Variants in LARP4B observed in about 807,000 individuals in gnomAD.
LARP4B encodes la-related protein 4B.
A neutral mutation model predicts 89.8 loss-of-function variants in LARP4B; 12 were observed. That is an observed-to-expected ratio of 0.13 (90% CI 0.09 to 0.22). The LOEUF (loss-of-function observed/expected upper bound fraction) is 0.22, where lower values mean the gene tolerates loss of function less well. Ranked by LOEUF, LARP4B falls within the 10% of genes least tolerant of loss-of-function variation. The pLI is 1.00. For synonymous variants in LARP4B, 367 were observed against 363.3 expected (o/e 1.01, Z -0.12); for missense variants, 757 against 947.7 (o/e 0.80, Z 2.64).
chr10:864,421 AT>A, intron 3 of LARP4B, 151 bp from the exon 4 acceptor site: 5 of 665,152 alleles, frequency 7.5e-6, no homozygotes, highest in African/African-American at 3.7e-5. Flanking sequence ...CAGGTTCAAA[AT>A]TAAAAAAAAA....
chr10:836,845 G>A (rs1463541315), intron 7 of LARP4B, among the ~76,000 whole-genome samples: 1 of 152,128 alleles, frequency 6.6e-6, no homozygotes, highest in African/African-American at 2.4e-5. Flanking sequence ...CCCTTCCCTG[G>A]CTCCCTGATG....
Position 891,538 on chromosome 10 carries a change from C to T in LARP4B, c.-39-5778G>A, listed in dbSNP as rs143988338. ...AAATAATACAATGTGTGAAATCTTC[C>T]TCAAAGTACTATGTGGGGCAGAGAC... On this transcript the variant is annotated intron_variant, in intron 1 of 17. Transcript: ENST00000316157. Among the ~76,000 whole-genome samples the T allele has an allele frequency of 1.7e-4, 26 of 152,180 alleles. 1 individual carries two copies. In the East Asian group the frequency reaches 4.8e-3, roughly 28 times the overall value.
At chr10:949,850 G>A in the LARP4B span, among the ~76,000 whole-genome samples, 9 of 151,864 alleles carry the variant, frequency 5.9e-5, no homozygotes, top group African/African-American at 1.7e-4. Flanking sequence ...CTGTATTGTC[G>A]AGGCTGCAGT....
At chr10:907,998 G>C (rs1441151050) in intron 1 of LARP4B, among the ~76,000 whole-genome samples, 1 of 152,160 alleles carries the variant, frequency 6.6e-6, no homozygotes, top group African/African-American at 2.4e-5. Flanking sequence ...CTGAGGTTAG[G>C]AGTTCAAGAC....
At chr10:865,612 C>T (rs920480803) in intron 3 of LARP4B, among the ~76,000 whole-genome samples, 4 of 152,080 alleles carry the variant, frequency 2.6e-5, no homozygotes, top group South Asian at 2.1e-4. Flanking sequence ...CCTGACACAG[C>T]GAATAAACCC....
the LARP4B span, among the ~76,000 whole-genome samples, chr10:957,800 C>CTTTTTTTTTTTTTTT: frequency 1.6e-5 from 2 of 125,104 alleles, no homozygotes; most frequent in Non-Finnish European, 3.3e-5. Context: ...CATTTTCTTT[C>CTTTTTTTTTTTTTTT]TTTTTTTTTT....
chr10:860,849 A>G lies in LARP4B; in HGVS notation c.430+2894T>C, dbSNP rs142763940. Among the ~76,000 whole-genome samples the G allele has an allele frequency of 3.0e-3, 458 of 152,236 alleles. 6 individuals are homozygous for G. The highest frequency in any genetic ancestry group is 0.027 in the Admixed American group (415 of 15,298). ...AAAAATCTACGAAACGCAAACTGAC[A>G]TATAGTGATAGAAAACAGACCACTG... On this transcript the variant is annotated intron_variant, in intron 5 of 17. Coordinates refer to ENST00000316157, the MANE Select transcript of LARP4B (RefSeq NM_015155.3).
At chr10:871,712 T>C (rs1835208360) in intron 3 of LARP4B, among the ~76,000 whole-genome samples, 1 of 152,104 alleles carries the variant, frequency 6.6e-6, no homozygotes, top group Non-Finnish European at 1.5e-5. Context: ...TGAATTAGCG[T>C]GACCTGAGAG....
intron 1 of LARP4B, among the ~76,000 whole-genome samples, chr10:917,515 G>C (rs780010885): frequency 6.6e-5 from 10 of 152,242 alleles, no homozygotes; most frequent in Non-Finnish European, 1.2e-4. Flanking sequence ...TTAAAGAACA[G>C]AGGTTGACTA....
intron 5 of LARP4B, among the ~76,000 whole-genome samples, chr10:858,010 A>G (rs11253471): frequency 0.56 from 84,710 of 152,050 alleles, 24,193 homozygotes; most frequent in South Asian, 0.68. Context: ...AGACCCAACA[A>G]TGCTATGGTT....
At chr10:988,230 C>T in the LARP4B span, 5 of 468,686 alleles carry the variant, frequency 1.1e-5, no homozygotes, top group African/African-American at 2.0e-5. Context: ...AGTCTCCGCG[C>T]TCCCCCTAAA....
chr10:846,572 T>TG (rs1214597243), intron 5 of LARP4B, among the ~76,000 whole-genome samples: 3 of 151,966 alleles, frequency 2.0e-5, no homozygotes, highest in African/African-American at 7.3e-5. Flanking sequence ...ACAGACACAG[T>TG]AAGAAATGAG....
At position 811,797 on chromosome 10, in the gene LARP4B, A is replaced by G. The variant is rs1831750436; in HGVS notation, c.*1129T>C. 6.6e-6 allele frequency: 1 copy of G among 152,644 alleles called. No individual in the cohort carries two copies. The highest frequency in any genetic ancestry group is 1.5e-5 in the Non-Finnish European group (1 of 68,050). The allele number at this position is 152,644 out of a possible 1,614,324, so 9.5% of individuals were successfully genotyped here. A position where few individuals can be genotyped will look rare whatever the true frequency, so the allele number is the denominator to read the frequency against. On this transcript the variant is annotated 3_prime_UTR_variant, in exon 18 of 18. Coordinates refer to ENST00000316157, the MANE Select transcript of LARP4B (RefSeq NM_015155.3). ...AATAAAGAAAAATTTGAGGCATTTT[A>G]AAACAAAATAATTTATATTTAACTT...
intron 4 of LARP4B, 64 bp from the exon 5 acceptor site, chr10:863,947 C>T: frequency 6.4e-7 from 1 of 1,573,816 alleles, no homozygotes; most frequent in Non-Finnish European, 8.6e-7. Context: ...TAAAACAAAG[C>T]TTACACTTGC....
At chr10:958,184 C>T in the LARP4B span, among the ~76,000 whole-genome samples, 2 of 152,180 alleles carry the variant, frequency 1.3e-5, no homozygotes, top group Non-Finnish European at 2.9e-5. Context: ...CCACCCGGTG[C>T]TCCCCGCAGC....
chr10:914,922 T>A (rs901259938), intron 1 of LARP4B, among the ~76,000 whole-genome samples: 1 of 147,928 alleles, frequency 6.8e-6, no homozygotes, highest in Non-Finnish European at 1.5e-5. Flanking sequence ...GAAAAAAAAA[T>A]TGTGTGTAAT....
At chr10:930,582 A>G (rs1010989882) in intron 1 of LARP4B, among the ~76,000 whole-genome samples, 7 of 152,312 alleles carry the variant, frequency 4.6e-5, no homozygotes, top group Admixed American at 4.6e-4. Flanking sequence ...CGGCACTGAA[A>G]CGGAAAGACT....
intron 1 of LARP4B, among the ~76,000 whole-genome samples, chr10:929,833 A>C (rs1023800965): frequency 3.3e-5 from 5 of 152,196 alleles, no homozygotes; most frequent in African/African-American, 9.6e-5. Flanking sequence ...TTTATTTCTA[A>C]CCAATGCAAG....
chr10:901,423 T>C (rs1366048665), intron 1 of LARP4B, among the ~76,000 whole-genome samples: 1 of 152,206 alleles, frequency 6.6e-6, no homozygotes, highest in Non-Finnish European at 1.5e-5. Context: ...TAGAATAATG[T>C]GAGAGCACCT....
Sources: allele counts gnomAD v4.1 joint callset (sites outside exome capture counted in the v4.1 genomes callset), GRCh38; gene constraint gnomAD v4.1.1; transcripts MANE v1.5; gene names NCBI Gene and HGNC (gene_info 2026-07-23, HGNC 2026-07-21).